Variants in FUT5 observed in about 807,000 individuals in gnomAD.
FUT5 encodes the protein 4-galactosyl-N-acetylglucosaminide 3-alpha-L-fucosyltransferase FUT5.
FUT5 carries 1 observed loss-of-function variant against 0.8 expected under a neutral mutation model. The observed-to-expected ratio is 1.26, with a 90% CI of 0.45 to 5.99. FUT5 has a LOEUF of 5.99. Among genes scored for constraint, FUT5 ranks in the 30% most tolerant of loss-of-function variants. The pLI, the probability that FUT5 is intolerant of heterozygous loss-of-function variation, is 0.15. For missense variants in FUT5, 437 were observed against 517.8 expected (o/e 0.84, Z 1.51); for synonymous variants, 212 against 225.7 (o/e 0.94, Z 0.54).
rs1004548083 is a variant in FUT5 at position 5,866,528 on chromosome 19, G to A, written c.*73C>T. 1.9e-6 allele frequency: 3 copies of A among 1,610,388 alleles called. No individual in the cohort carries two copies. Among genetic ancestry groups the A allele is most frequent in the Non-Finnish European group, 2.5e-6 (3 of 1,178,718 alleles). ...GAGGCCCCAGGTAGGTAAATCCCCC[G>A]ACTAGTGAGACCCTAGGTAGGTGAG... On this transcript the variant is annotated 3_prime_UTR_variant, in exon 2 of 2. Coordinates refer to ENST00000588525, the MANE Select transcript of FUT5 (RefSeq NM_002034.2). The surrounding 1 kb of genome is among the most constrained non-coding windows in gnomAD (Gnocchi z 4.9).
At position 5,866,928 on chromosome 19, in the gene FUT5, G is replaced by A. The variant is rs376720049; in HGVS notation, c.798C>T (p.Pro266=). The A allele has an allele frequency of 8.1e-6, 13 of 1,613,104 alleles. No homozygotes were observed. Among genetic ancestry groups the A allele is most frequent in the South Asian group, 5.5e-5 (5 of 90,986 alleles). Residue 266 remains proline (P), a synonymous_variant, in exon 2 of 2, where the codon CCC becomes CCT. Transcript: ENST00000588525. This position sits in a 1 kb window ranked among gnomAD's most constrained non-coding sequence, Gnocchi z 4.9. ...FYLAFENSLH[P]DYITEKLWRN... ...TCCACAGCTTCTCGGTGATGTAGTCGGGGTGCAAGGAGTTCTCGAAGGCCA... is the reference window on the plus strand; with the variant it reads ...TCCACAGCTTCTCGGTGATGTAGTCAGGGTGCAAGGAGTTCTCGAAGGCCA...
At position 5,867,410 on chromosome 19, in the gene FUT5, T is replaced by C. The variant is rs1489298473; in HGVS notation, c.316A>G (p.Ile106Val). 6.2e-7 allele frequency: 1 copy of C among 1,613,428 alleles called. No homozygotes were observed. Reference protein sequence around the residue: ...EMVPGAADCNITADSSVYPQA... With the variant: ...EMVPGAADCNVTADSSVYPQA... ...GGGTACACACTGGAGTCGGCAGTGA[T>C]GTTGCAGTCGGCCGCGCCGGGCACC... Residue 106 changes from isoleucine (I) to valine (V), a missense_variant, in exon 2 of 2, where the codon ATC becomes GTC. Physicochemically the swap from Ile to Val is conservative, Grantham distance 29. Transcript: ENST00000588525. This position sits in a 1 kb window ranked among gnomAD's most constrained non-coding sequence, Gnocchi z 5.0.
At position 5,866,502 on chromosome 19, in the gene FUT5, C is replaced by CG; in HGVS notation, c.*98dup. 6.5e-7 allele frequency: 1 copy of CG among 1,534,592 alleles called. No homozygotes were observed. The highest frequency in any genetic ancestry group is 8.9e-7 in the Non-Finnish European group (1 of 1,122,608). Reference sequence around the variant, plus strand: ...CCAGGCAGCCGAGGCCCCAGGCAGCCGAGGCCCCAGGTAGGTAAATCCCCC... The same window carrying CG: ...CCAGGCAGCCGAGGCCCCAGGCAGCCGGAGGCCCCAGGTAGGTAAATCCCCC... On this transcript the variant is annotated 3_prime_UTR_variant, in exon 2 of 2. Transcript: ENST00000588525. The surrounding 1 kb of genome is among the most constrained non-coding windows in gnomAD (Gnocchi z 4.9).
At position 5,866,474 on chromosome 19, in the gene FUT5, ACCCCAGGCAGCCGAGG is replaced by A. The variant is rs145677873; in HGVS notation, c.*111_*126del. The stretch of plus-strand genomic sequence containing the variant: ...GCAGGTGAGGCCCCAGGCAGGTGAG[ACCCCAGGCAGCCGAGG>A]CCCCAGGCAGCCGAGGCCCCAGGTA... On this transcript the variant is annotated 3_prime_UTR_variant, in exon 2 of 2. Coordinates refer to ENST00000588525, the MANE Select transcript of FUT5 (RefSeq NM_002034.2). The surrounding 1 kb of genome is among the most constrained non-coding windows in gnomAD (Gnocchi z 4.9). 0.16 allele frequency: 229,859 copies of A among 1,472,842 alleles called. 18,665 individuals are homozygous for A. The highest frequency in any genetic ancestry group is 0.21 in the Middle Eastern group (988 of 4,596). 91.2% of individuals were successfully genotyped at this position (1,472,842 alleles called of 1,614,324 possible).
rs746693814 is a variant in FUT5, at chr19:5,867,321, C to T, written c.405G>A (p.Pro135=). The stretch of plus-strand genomic sequence containing the variant: ...GCTGCCCCTGCGGCCTGGTGGGGGG[C>T]GGGAGGTTGGCACTGGGGTTGTACA... The part of the protein sequence containing the change: ...DIMYNPSANL[P]PPTRPQGQRW... Residue 135 remains proline, a synonymous_variant, in exon 2 of 2, where the codon CCG becomes CCA. Transcript: ENST00000588525. This position sits in a 1 kb window ranked among gnomAD's most constrained non-coding sequence, Gnocchi z 5.0. The T allele has an allele frequency of 2.1e-5, 34 of 1,613,484 alleles. 1 individual carries two copies. In the East Asian group the frequency reaches 2.2e-4, roughly 11 times the overall value.
In FUT5 at chr19:5,866,465, G is replaced by A; in HGVS notation, c.*136C>T. The A allele has an allele frequency of 1.4e-6, 2 of 1,379,800 alleles. No homozygotes were observed. The highest frequency in any genetic ancestry group is 2.0e-6 in the Non-Finnish European group (2 of 981,646). 85.5% of individuals were successfully genotyped at this position (1,379,800 alleles called of 1,614,324 possible). A position where few individuals can be genotyped will look rare whatever the true frequency, so the allele number is the denominator to read the frequency against. On this transcript the variant is annotated 3_prime_UTR_variant, in exon 2 of 2. Transcript: ENST00000588525. The surrounding 1 kb of genome is among the most constrained non-coding windows in gnomAD (Gnocchi z 4.9). The stretch of plus-strand genomic sequence containing the variant: ...AAGACTCCAGCAGGTGAGGCCCCAG[G>A]CAGGTGAGACCCCAGGCAGCCGAGG...
At position 5,867,022 on chromosome 19, in the gene FUT5, T is replaced by C. The variant is rs1187973032; in HGVS notation, c.704A>G (p.Tyr235Cys). The C allele has an allele frequency of 6.2e-7, 1 of 1,613,606 alleles. No individual in the cohort carries two copies. Among genetic ancestry groups the C allele is most frequent in the Non-Finnish European group, 8.5e-7 (1 of 1,179,800 alleles). The change falls in exon 2 of 2, where the codon TAC (tyrosine) becomes TGC (cysteine). Residue 235 changes from tyrosine (Y) to cysteine (C), a missense_variant. Tyr to Cys is a radical substitution (Grantham distance 194). Around this residue, in one of 2 missense-constraint regions of FUT5, gnomAD observed 176 missense variants for 275.2 expected, o/e 0.64. Coordinates refer to ENST00000588525, the MANE Select transcript of FUT5 (RefSeq NM_002034.2). This position sits in a 1 kb window ranked among gnomAD's most constrained non-coding sequence, Gnocchi z 5.0. ...SLQAHLKVDV[Y>C]GRSHKPLPKG... is the part of the protein sequence containing the mutation. ...GGGCAGGGGCTTGTGGGAGCGTCCGTACACGTCCACCTTGAGATGAGCCTG... is the reference window on the plus strand; with the variant it reads ...GGGCAGGGGCTTGTGGGAGCGTCCGCACACGTCCACCTTGAGATGAGCCTG...
chr19:5,866,513 G>GCAGC lies in FUT5; in HGVS notation c.*87_*88insGCTG. On this transcript the variant is annotated 3_prime_UTR_variant, in exon 2 of 2. Transcript: ENST00000588525. This position sits in a 1 kb window ranked among gnomAD's most constrained non-coding sequence, Gnocchi z 4.9. ...AGGCCCCAGGCAGCCGAGGCCCCAG[G>GCAGC]TAGGTAAATCCCCCGACTAGTGAGA... The GCAGC allele has an allele frequency of 4.4e-6, 7 of 1,601,344 alleles. No homozygotes were observed. Among genetic ancestry groups the GCAGC allele is most frequent in the Non-Finnish European group, 6.0e-6 (7 of 1,172,422 alleles).
intron 1 of FUT5, among the ~76,000 whole-genome samples, chr19:5,869,080 C>T (rs1345628132): frequency 6.6e-6 from 1 of 151,928 alleles, no homozygotes; most frequent in Non-Finnish European, 1.5e-5. Context: ...CTCCCGGGTT[C>T]ATGCCATTCT....
intron 1 of FUT5, among the ~76,000 whole-genome samples, chr19:5,869,278 C>CT (rs780424110): frequency 0.013 from 1,662 of 125,922 alleles, 22 homozygotes; most frequent in African/African-American, 0.026. Flanking sequence ...CATGCCCAGC[C>CT]TTTTTTTTTT....
At position 5,866,540 on chromosome 19, in the gene FUT5, C is replaced by A. The variant is rs1351697954; in HGVS notation, c.*61G>T. The stretch of plus-strand genomic sequence containing the variant: ...AGGTAAATCCCCCGACTAGTGAGAC[C>A]CTAGGTAGGTGAGGCCCTGGGAAAG... On this transcript the variant is annotated 3_prime_UTR_variant, in exon 2 of 2. Coordinates refer to ENST00000588525, the MANE Select transcript of FUT5 (RefSeq NM_002034.2). The surrounding 1 kb of genome is among the most constrained non-coding windows in gnomAD (Gnocchi z 4.9). The A allele has an allele frequency of 1.9e-6, 3 of 1,611,768 alleles. No individual in the cohort carries two copies. Among genetic ancestry groups the A allele is most frequent in the Non-Finnish European group, 2.5e-6 (3 of 1,179,412 alleles).
At position 5,866,404 on chromosome 19, in the gene FUT5, A is replaced by G; in HGVS notation, c.*197T>C. 1 of 857,740 alleles carries G rather than the reference A, an allele frequency of 1.2e-6. No individual in the cohort carries two copies. The allele number at this position is 857,740 out of a possible 1,614,324, so 53.1% of individuals were successfully genotyped here. On this transcript the variant is annotated 3_prime_UTR_variant, in exon 2 of 2. Coordinates refer to ENST00000588525, the MANE Select transcript of FUT5 (RefSeq NM_002034.2). The surrounding 1 kb of genome is among the most constrained non-coding windows in gnomAD (Gnocchi z 4.9). ...AGGCTCCTGGCAGTGAAGCCCGGCAAGTGAAATCCCAGGTAAGTCACATGC... is the reference window on the plus strand; with the variant it reads ...AGGCTCCTGGCAGTGAAGCCCGGCAGGTGAAATCCCAGGTAAGTCACATGC...
In FUT5 at chr19:5,867,159, G is replaced by A. The variant is rs762599534; in HGVS notation, c.567C>T (p.Ser189=). Residue 189 remains serine (S), a synonymous_variant, in exon 2 of 2, where the codon TCC becomes TCT. Coordinates refer to ENST00000588525, the MANE Select transcript of FUT5 (RefSeq NM_002034.2). This position sits in a 1 kb window ranked among gnomAD's most constrained non-coding sequence, Gnocchi z 5.0. ...FTPYGWLEPW[S]GQPAHPPLNL... is the part of the protein sequence containing the mutation. ...TGAGCGGTGGGTGGGCAGGCTGGCC[G>A]GACCACGGCTCCAGCCAGCCGTAGG... 14 of 1,612,342 alleles carry A rather than the reference G, an allele frequency of 8.7e-6. No individual in the cohort carries two copies. Among genetic ancestry groups the A allele is most frequent in the African/African-American group, 6.7e-5 (5 of 74,872 alleles).
In FUT5 at chr19:5,869,628, T is replaced by C. The variant is rs553768412; in HGVS notation, c.-13+837A>G. 6.1e-4 allele frequency among the ~76,000 whole-genome samples: 93 copies of C among 152,294 alleles called. 2 individuals carry two copies. In the South Asian group the frequency reaches 0.018, roughly 30 times the overall value. ...CATGTCACCATTGCTACCCAAAATT[T>C]AGTGCCTAAAAAGAGAGGTGCTTAT... On this transcript the variant is annotated intron_variant, in intron 1 of 1. Transcript: ENST00000588525.
Position 5,867,394 on chromosome 19 carries a change from C to A in FUT5, c.332G>T (p.Ser111Ile), listed in dbSNP as rs145858323. 2.1e-5 allele frequency: 34 copies of A among 1,613,646 alleles called. No homozygotes were observed. Among genetic ancestry groups the A allele is most frequent in the Non-Finnish European group, 2.7e-5 (32 of 1,179,972 alleles). The change falls in exon 2 of 2, where the codon AGT becomes ATT. Residue 111 changes from serine (S) to isoleucine (I), a missense_variant. This residue lies in a region of FUT5 where 261 missense variants were observed against 242.6 expected (regional missense o/e 1.08). Transcript: ENST00000588525. The surrounding 1 kb of genome is among the most constrained non-coding windows in gnomAD (Gnocchi z 5.0). The stretch of plus-strand genomic sequence containing the variant: ...GACCGCGTCTGCCTGTGGGTACACA[C>A]TGGAGTCGGCAGTGATGTTGCAGTC... ...AADCNITADS[S>I]VYPQADAVIV...
rs913415444 is a variant in FUT5 at position 5,866,435 on chromosome 19, C to T, written c.*166G>A. ...ATCCCAGGTAAGTCACATGCCTGGC[C>T]ACCAAAGACTCCAGCAGGTGAGGCC... is the stretch of plus-strand genomic sequence containing the variant. On this transcript the variant is annotated 3_prime_UTR_variant, in exon 2 of 2. Coordinates refer to ENST00000588525, the MANE Select transcript of FUT5 (RefSeq NM_002034.2). The surrounding 1 kb of genome is among the most constrained non-coding windows in gnomAD (Gnocchi z 4.9). 1.8e-6 allele frequency: 2 copies of T among 1,117,170 alleles called. No homozygotes were observed. The highest frequency in any genetic ancestry group is 1.5e-5 in the African/African-American group (1 of 65,100). The allele number at this position is 1,117,170 out of a possible 1,614,324, so 69.2% of individuals were successfully genotyped here.
intron 1 of FUT5, among the ~76,000 whole-genome samples, chr19:5,868,337 T>G (rs2057512760): frequency 6.6e-6 from 1 of 151,814 alleles, no homozygotes; most frequent in South Asian, 2.1e-4. Context: ...AGCACGGAAC[T>G]GGAGGGAGCC....
intron 1 of FUT5, among the ~76,000 whole-genome samples, chr19:5,868,532 A>G (rs145272483): frequency 1.4e-3 from 219 of 152,294 alleles, no homozygotes; most frequent in African/African-American, 5.1e-3. Context: ...ACTGAACAGC[A>G]TATTTAAAAA....
In FUT5 at chr19:5,867,225, A is replaced by G. The variant is rs1367921172; in HGVS notation, c.501T>C (p.Asn167=). 1 of 1,613,066 alleles carries G rather than the reference A, an allele frequency of 6.2e-7. No homozygotes were observed. Among genetic ancestry groups the G allele is most frequent in the South Asian group, 1.1e-5 (1 of 91,066 alleles). The change falls in exon 2 of 2, where the codon AAT becomes AAC. Residue 167 remains asparagine (N), a synonymous_variant. Transcript: ENST00000588525. The surrounding 1 kb of genome is among the most constrained non-coding windows in gnomAD (Gnocchi z 5.0). ...AGTCGCTGCGGTAGGACATGGTGAGATTGAAGTATCCGTCCAGGGCTTCCA... is the reference window on the plus strand; with the variant it reads ...AGTCGCTGCGGTAGGACATGGTGAGGTTGAAGTATCCGTCCAGGGCTTCCA... ...RHLEALDGYF[N]LTMSYRSDSD...
Sources: gnomAD v4.1 joint callset for allele counts (sites outside exome capture counted in the v4.1 genomes callset) on GRCh38, gnomAD v4.1.1 for gene constraint, gnomAD v4.1.1 regional missense constraint, Gnocchi (gnomAD v3.1) non-coding constraint, MANE v1.5 for transcripts, NCBI Gene and HGNC (gene_info 2026-07-23, HGNC 2026-07-21) for gene names.